MAN2B1: variants seen among roughly 807,000 people sequenced by gnomAD.
The protein encoded by MAN2B1 is mannosidase alpha class 2B member 1.
A neutral mutation model predicts 127.5 loss-of-function variants in MAN2B1; 99 were observed. The observed-to-expected ratio is 0.78, with a 90% CI of 0.66 to 0.92. The LOEUF (loss-of-function observed/expected upper bound fraction) is 0.92, where lower values mean the gene tolerates loss of function less well. MAN2B1 is among the 40% of genes least tolerant of loss of function. The pLI, the probability that MAN2B1 is intolerant of heterozygous loss-of-function variation, is 0.00. For missense variants in MAN2B1, 1,304 were observed against 1,384.8 expected, an observed-to-expected ratio of 0.94 and a Z score of 0.93; for synonymous variants, 573 against 568.8, an observed-to-expected ratio of 1.01 and a Z score of -0.11.
intron 4 of MAN2B1, among the ~76,000 whole-genome samples, chr19:12,664,063 A>C (rs2024171079): frequency 6.6e-6 from 1 of 152,114 alleles, no homozygotes; most frequent in South Asian, 2.1e-4. Flanking sequence ...GACTGTCTAC[A>C]AAAAATTTAA....
intron 4 of MAN2B1, 85 bp from the exon 5 acceptor site, chr19:12,663,920 C>A: frequency 6.4e-7 from 1 of 1,567,358 alleles, no homozygotes; most frequent in South Asian, 1.1e-5. Context: ...AGGGGCAGGT[C>A]AGAGCACAGG....
Position 12,658,747 on chromosome 19 carries a change from C to A in MAN2B1, c.1027-237G>T. ...AGAATAAACCTGAAATTTTACTAAA[C>A]TTTTACAATAATTCCAACTTTATTA... On this transcript the variant is annotated intron_variant, in intron 7 of 23. Coordinates refer to ENST00000456935, the MANE Select transcript of MAN2B1 (RefSeq NM_000528.4). 3 of 561,406 alleles carry A rather than the reference C, an allele frequency of 5.3e-6. No homozygotes were observed. The South Asian group carries it at 6.3e-5, about 12-fold the overall frequency. The allele number at this position is 561,406 out of a possible 1,614,324, so 34.8% of individuals were successfully genotyped here.
chr19:12,663,916 A>C, intron 4 of MAN2B1, 81 bp from the exon 5 acceptor site: 1 of 1,561,724 alleles, frequency 6.4e-7, no homozygotes. Flanking sequence ...TGGGAGGGGC[A>C]GGTCAGAGCA....
chr19:12,650,887 G>C (rs1380324594), intron 16 of MAN2B1, among the ~76,000 whole-genome samples: 2 of 149,538 alleles, frequency 1.3e-5, no homozygotes. Context: ...GGCCAGACTT[G>C]TCTTGAACTC....
rs529436212 is a variant in MAN2B1, at chr19:12,656,876, C to T, written c.1527+73G>A. On this transcript the variant is annotated intron_variant, in intron 12 of 23. Transcript: ENST00000456935. ...CACGTAATTTCACTCCTGTATAGTC[C>T]TCCAAAAACATTTTCCAACTACCCC... is the stretch of plus-strand genomic sequence containing the variant. The T allele has an allele frequency of 9.8e-5, 126 of 1,279,250 alleles. No individual in the cohort carries two copies. In the East Asian group the frequency reaches 2.6e-3, roughly 26 times the overall value. The allele number at this position is 1,279,250 out of a possible 1,614,324, so 79.2% of individuals were successfully genotyped here. A position where few individuals can be genotyped will look rare whatever the true frequency, so the allele number is the denominator to read the frequency against.
Position 12,665,431 on chromosome 19 carries a change from C to G in MAN2B1, c.357G>C (p.Val119=). ...ACCAACGGGAGAAGAAGGCAATCTC[C>G]ACGTAAATGAAGCGACGGGTGGGAT... ...LADPTRRFIY[V]EIAFFSRWWH... Residue 119 remains valine, a synonymous_variant, in exon 3 of 24, where the codon GTG becomes GTC. Transcript: ENST00000456935. The G allele has an allele frequency of 6.2e-7, 1 of 1,613,850 alleles. No homozygotes were observed. The highest frequency in any genetic ancestry group is 8.5e-7 in the Non-Finnish European group (1 of 1,180,036).
chr19:12,658,626 T>A, intron 7 of MAN2B1, 116 bp from the exon 8 acceptor site: 1 of 952,772 alleles, frequency 1.0e-6, no homozygotes, highest in Non-Finnish European at 1.6e-6. Context: ...TCTAAATACA[T>A]ATTTGGCGTG....
At chr19:12,661,027 G>C (rs1459151230) in intron 7 of MAN2B1, 1 of 443,890 alleles carries the variant, frequency 2.3e-6, no homozygotes, top group Non-Finnish European at 4.3e-6. Context: ...AACATGCTGG[G>C]ATTACAGGCA....
At position 12,647,821 on chromosome 19, in the gene MAN2B1, G is replaced by C. The variant is rs2023730417; in HGVS notation, c.2665-223C>G. The C allele has an allele frequency of 1.7e-6, 1 of 600,528 alleles. No homozygotes were observed. Among genetic ancestry groups the C allele is most frequent in the Admixed American group, 3.0e-5 (1 of 33,754 alleles). 37.2% of individuals were successfully genotyped at this position (600,528 alleles called of 1,614,324 possible). A position where few individuals can be genotyped will look rare whatever the true frequency, so the allele number is the denominator to read the frequency against. The stretch of plus-strand genomic sequence containing the variant: ...TTAGGGTTCGAGTCCCGATGGAGCA[G>C]AACTGATGTGACCTGAGACTTTGGG... On this transcript the variant is annotated intron_variant, in intron 21 of 23. Transcript: ENST00000456935. The surrounding 1 kb of genome is among the most constrained non-coding windows in gnomAD (Gnocchi z 4.9).
rs778123996 is a variant in MAN2B1 at position 12,649,412 on chromosome 19, T to A, written c.2284A>T (p.Thr762Ser). Residue 762 changes from threonine (T) to serine (S), a missense_variant, in exon 19 of 24, where the codon ACC becomes TCC. Physicochemically the swap from Thr to Ser is moderately conservative, Grantham distance 58. Transcript: ENST00000456935. ...GGCTCCGTCTGGTTCAGTTTCCAGG[T>A]GGGTCGATAATCCCGCCTGGGGTTG... ...ILERRRDYRP[T>S]WKLNQTEPVA... 6.2e-7 allele frequency: 1 copy of A among 1,607,194 alleles called. No individual in the cohort carries two copies. The highest frequency in any genetic ancestry group is 1.1e-5 in the South Asian group (1 of 90,760).
chr19:12,649,544 C>G (rs1015273021), intron 18 of MAN2B1, 116 bp from the exon 19 acceptor site: 8 of 668,470 alleles, frequency 1.2e-5, no homozygotes, highest in Admixed American at 5.6e-5. Flanking sequence ...TGCAGTGGCG[C>G]GATCTCGGCT....
At chr19:12,663,253 T>A (rs1186517565) in intron 6 of MAN2B1, 64 bp downstream of exon 6, 3 of 1,587,566 alleles carry the variant, frequency 1.9e-6, no homozygotes, top group Non-Finnish European at 2.6e-6. Context: ...GGGATGCCTG[T>A]ACCATGGAAA....
chr19:12,652,078 A>G (rs2145238724), intron 16 of MAN2B1, 75 bp downstream of exon 16: 5 of 1,117,982 alleles, frequency 4.5e-6, no homozygotes, highest in East Asian at 4.7e-5. Context: ...CTCACTCTAC[A>G]CATGGCCCAC....
chr19:12,649,889 T>G, intron 18 of MAN2B1, 24 bp downstream of exon 18: 68 of 1,232,518 alleles, frequency 5.5e-5, no homozygotes, highest in Non-Finnish European at 6.7e-5. Flanking sequence ...GACCACCCCC[T>G]CAGTGCTCTC....
intron 7 of MAN2B1, 25 bp downstream of exon 7, chr19:12,661,235 G>C: frequency 6.5e-7 from 1 of 1,537,124 alleles, no homozygotes; most frequent in Non-Finnish European, 9.0e-7. Flanking sequence ...TGTGCACAAG[G>C]GTACCACAGG....
Position 12,652,151 on chromosome 19 carries a change from A to T in MAN2B1, c.2046+2T>A, listed in dbSNP as rs748712495. The T allele has an allele frequency of 9.9e-6, 16 of 1,612,148 alleles. No individual in the cohort carries two copies. In the African/African-American group the frequency reaches 2.0e-4, roughly 20 times the overall value. On this transcript the variant is annotated splice_donor_variant, in intron 16 of 23. Transcript: ENST00000456935. LOFTEE classifies it high-confidence loss of function. ...GCCCACTCATCATTCCTAGTCCCTGACCTTCACCAGGTGGATCTGAGCCCA... is the reference window on the plus strand; with the variant it reads ...GCCCACTCATCATTCCTAGTCCCTGTCCTTCACCAGGTGGATCTGAGCCCA...
At chr19:12,650,256 G>A in intron 16 of MAN2B1, 34 bp from the exon 17 acceptor site, 1 of 1,395,060 alleles carries the variant, frequency 7.2e-7, no homozygotes, top group Admixed American at 1.7e-5. Flanking sequence ...ATGTCAGTCT[G>A]TACCTGAGCA....
intron 18 of MAN2B1, among the ~76,000 whole-genome samples, 154 bp downstream of exon 18, chr19:12,649,759 G>A (rs1434790300): frequency 6.6e-6 from 1 of 151,816 alleles, no homozygotes; most frequent in Non-Finnish European, 1.5e-5. Context: ...TGGGATTACA[G>A]GCGTGAGCCA....
chr19:12,658,685 G>A, intron 7 of MAN2B1, 175 bp from the exon 8 acceptor site: 2 of 652,012 alleles, frequency 3.1e-6, no homozygotes, highest in South Asian at 3.4e-5. Context: ...AGTCAAACAT[G>A]ACCACTAGCC....
Sources: gnomAD v4.1 joint callset for allele counts (sites outside exome capture counted in the v4.1 genomes callset) on GRCh38, gnomAD v4.1.1 for gene constraint, Gnocchi (gnomAD v3.1) non-coding constraint, MANE v1.5 for transcripts, NCBI Gene and HGNC (gene_info 2026-07-23, HGNC 2026-07-21) for gene names.